Variants in TENM2 observed in about 807,000 individuals in gnomAD.
TENM2 encodes teneurin-2.
Under a neutral mutation model 245.2 loss-of-function variants are expected in TENM2, and 52 were observed. The observed-to-expected ratio is 0.21, with a 90% confidence interval of 0.17 to 0.27. TENM2 has a LOEUF of 0.27. TENM2 is among the 10% of genes least tolerant of loss of function. The pLI is 1.00. For missense variants in TENM2, 3,046 were observed against 3,666.8 expected, an observed-to-expected ratio of 0.83 and a Z score of 4.37; for synonymous variants, 1,363 against 1,438.9, an observed-to-expected ratio of 0.95 and a Z score of 1.19.
At chr5:167,288,558 CAA>C (rs58929279) in intron 1 of TENM2, among the ~76,000 whole-genome samples, 23 of 93,620 alleles carry the variant, frequency 2.5e-4, no homozygotes, top group Admixed American at 2.7e-4. Context: ...GACTCCGTCT[CAA>C]AAAAAAAAAA....
intron 3 of TENM2, among the ~76,000 whole-genome samples, chr5:167,936,303 A>G (rs547681461): frequency 1.3e-5 from 2 of 152,352 alleles, no homozygotes; most frequent in Admixed American, 6.5e-5. Context: ...TCTACACAGT[A>G]TAGTTTCTTA....
At chr5:167,492,586 A>G (rs77348130) in intron 2 of TENM2, among the ~76,000 whole-genome samples, 13,457 of 152,172 alleles carry the variant, frequency 0.088, 770 homozygotes, top group South Asian at 0.13. Flanking sequence ...TAGAATTTAC[A>G]TGGCTATTTA....
intron 3 of TENM2, among the ~76,000 whole-genome samples, chr5:167,900,167 A>G (rs1775591906): frequency 6.9e-6 from 1 of 144,198 alleles, no homozygotes; most frequent in Admixed American, 7.1e-5. Flanking sequence ...AAGGAATGAT[A>G]TCTTTCTCCG....
At chr5:167,458,332 C>T (rs1766047254) in intron 2 of TENM2, among the ~76,000 whole-genome samples, 1 of 144,818 alleles carries the variant, frequency 6.9e-6, no homozygotes, top group Admixed American at 7.1e-5. Context: ...ACTAAAAATA[C>T]AAAAATTAGC....
intron 2 of TENM2, among the ~76,000 whole-genome samples, chr5:167,384,701 TGCGC>T (rs1280176152): frequency 9.6e-6 from 1 of 103,852 alleles, no homozygotes; most frequent in Non-Finnish European, 1.9e-5. Context: ...TGCACACGCG[TGCGC>T]GCACACACGC....
At chr5:168,228,100 C>A in exon 25 of TENM2, 1 of 1,613,466 alleles carries the variant, frequency 6.2e-7, no homozygotes, top group Non-Finnish European at 8.5e-7. Context: ...AGATTAAAGG[C>A]AAAGTCACCA....
Position 168,057,310 on chromosome 5 carries a change from A to AACACACACAC in TENM2, c.1310-4737_1310-4728dup, listed in dbSNP as rs112117017. ...ACCCCCTACCCCTGTCGCCTCGCCCAACACACACACACACACACACACTCA... is the reference window on the plus strand; with the variant it reads ...ACCCCCTACCCCTGTCGCCTCGCCCAACACACACACACACACACACACACACACACACTCA... On this transcript the variant is annotated intron_variant, in intron 6 of 28. Transcript: ENST00000518659. Among the ~76,000 whole-genome samples the AACACACACAC allele has an allele frequency of 1.4e-3, 208 of 149,016 alleles. 2 individuals are homozygous for AACACACACAC. The highest frequency in any genetic ancestry group is 6.2e-3 in the Admixed American group (92 of 14,904).
At chr5:167,622,820 G>A (rs1044609730) in intron 2 of TENM2, among the ~76,000 whole-genome samples, 3 of 152,098 alleles carry the variant, frequency 2.0e-5, no homozygotes, top group Non-Finnish European at 4.4e-5. Context: ...CCAGGAGGGT[G>A]GGGATTCCTT....
the TENM2 span, among the ~76,000 whole-genome samples, chr5:167,231,864 A>G: frequency 1.3e-5 from 2 of 152,166 alleles, no homozygotes; most frequent in South Asian, 2.1e-4. Flanking sequence ...GGAGGAAACC[A>G]TGGTTTTTAT....
the TENM2 span, among the ~76,000 whole-genome samples, chr5:167,060,602 G>T: frequency 7.1e-6 from 1 of 139,970 alleles, no homozygotes; most frequent in Admixed American, 7.6e-5. Flanking sequence ...AGTGAGCCAA[G>T]ATCATTCCAC....
intron 2 of TENM2, among the ~76,000 whole-genome samples, chr5:167,573,133 A>G (rs1255445487): frequency 6.6e-6 from 1 of 151,882 alleles, no homozygotes; most frequent in Non-Finnish European, 1.5e-5. Flanking sequence ...TTGTTTACCC[A>G]TGGCAGTTTG....
chr5:168,140,429 T>A (rs1446287096), intron 12 of TENM2, among the ~76,000 whole-genome samples: 1 of 152,202 alleles, frequency 6.6e-6, no homozygotes, highest in Non-Finnish European at 1.5e-5. Flanking sequence ...TTTCAGCTTA[T>A]CTTCCTTCCA....
At chr5:167,737,251 C>T (rs1760866844) in intron 2 of TENM2, among the ~76,000 whole-genome samples, 2 of 152,164 alleles carry the variant, frequency 1.3e-5, no homozygotes, top group Admixed American at 1.3e-4. Context: ...TGCAAATGTT[C>T]TGTGGTTCAT....
intron 2 of TENM2, among the ~76,000 whole-genome samples, chr5:167,785,153 G>C (rs1354188917): frequency 6.6e-6 from 1 of 152,122 alleles, no homozygotes; most frequent in Non-Finnish European, 1.5e-5. Context: ...ATAGAGATTT[G>C]ATGTACTTGT....
At chr5:167,894,853 T>A (rs1775045537) in intron 3 of TENM2, among the ~76,000 whole-genome samples, 1 of 151,492 alleles carries the variant, frequency 6.6e-6, no homozygotes, top group African/African-American at 2.4e-5. Flanking sequence ...AAGGTGAAAA[T>A]GTTTCTTTTG....
the TENM2 span, among the ~76,000 whole-genome samples, chr5:167,049,504 A>C: frequency 6.6e-6 from 1 of 152,258 alleles, no homozygotes; most frequent in African/African-American, 2.4e-5. Flanking sequence ...ACCACTTTTA[A>C]AAGAACTGTG....
chr5:167,800,407 T>C (rs1765626006), intron 2 of TENM2, among the ~76,000 whole-genome samples: 1 of 152,220 alleles, frequency 6.6e-6, no homozygotes. Flanking sequence ...CAAGACCAGA[T>C]GTGATAGGAT....
At chr5:167,446,571 A>G (rs567552752) in intron 2 of TENM2, among the ~76,000 whole-genome samples, 16 of 152,140 alleles carry the variant, frequency 1.1e-4, no homozygotes, top group African/African-American at 3.9e-4. Flanking sequence ...AACTACCTTC[A>G]CTTTGTTTTA....
chr5:168,081,799 C>A (rs1218284891), intron 7 of TENM2, among the ~76,000 whole-genome samples: 1 of 152,224 alleles, frequency 6.6e-6, no homozygotes, highest in African/African-American at 2.4e-5. Flanking sequence ...CCGAGAGATC[C>A]ACTGTTAGTC....
Sources: allele counts gnomAD v4.1 joint callset (sites outside exome capture counted in the v4.1 genomes callset), GRCh38; gene constraint gnomAD v4.1.1; transcripts MANE v1.5; gene names NCBI Gene and HGNC (gene_info 2026-07-23, HGNC 2026-07-21).